SRBD1: variants seen among roughly 807,000 people sequenced by gnomAD.
SRBD1 encodes the protein S1 RNA-binding domain-containing protein 1.
Under a neutral mutation model 115.3 loss-of-function variants are expected in SRBD1, and 88 were observed. That is an observed-to-expected ratio of 0.76 (90% CI 0.64 to 0.91). The LOEUF is 0.91. Among genes scored for constraint, SRBD1 ranks in the 40% least tolerant of loss-of-function variants. SRBD1 has a pLI of 0.00. For synonymous variants in SRBD1, 509 were observed against 407.7 expected (o/e 1.25, Z -2.99); for missense variants, 1,385 against 1,177.4 (o/e 1.18, Z -2.58).
In SRBD1 at chr2:45,413,105, C is replaced by G. The variant is rs192945988; in HGVS notation, c.2513+9G>C. 1.0e-3 allele frequency: 1,652 copies of G among 1,609,916 alleles called. 3 individuals carry two copies. Among genetic ancestry groups the G allele is most frequent in the Non-Finnish European group, 1.2e-3 (1,471 of 1,178,198 alleles). ...ATATGGAGAATTCCCACATGGGCCT[C>G]AGACTTACCTCATTGCTATGTCATA... On this transcript the variant is annotated intron_variant, in intron 19 of 20. Transcript: ENST00000263736.
At chr2:45,591,173 C>T (rs774560692) in intron 4 of SRBD1, among the ~76,000 whole-genome samples, 3 of 152,130 alleles carry the variant, frequency 2.0e-5, no homozygotes, top group Non-Finnish European at 4.4e-5. Flanking sequence ...CATTGTAAAA[C>T]CTAAGATCAG....
intron 14 of SRBD1, among the ~76,000 whole-genome samples, chr2:45,544,451 T>C (rs1672045129): frequency 6.6e-6 from 1 of 152,274 alleles, no homozygotes; most frequent in African/African-American, 2.4e-5. Context: ...ATATGGCTAA[T>C]CAGAGGCAGT....
At chr2:45,440,066 T>A (rs984050438) in intron 16 of SRBD1, among the ~76,000 whole-genome samples, 1 of 152,164 alleles carries the variant, frequency 6.6e-6, no homozygotes, top group Non-Finnish European at 1.5e-5. Context: ...TCAGCATAGC[T>A]TCTGTAGACC....
intron 16 of SRBD1, among the ~76,000 whole-genome samples, chr2:45,435,231 A>G (rs1437543256): frequency 3.9e-5 from 6 of 152,130 alleles, no homozygotes; most frequent in African/African-American, 1.4e-4. Context: ...AATATATGGC[A>G]ACCAATTTTA....
rs1417116957 is a variant in SRBD1 at position 45,605,388 on chromosome 2, T to C, written c.54A>G (p.Lys18=). Residue 18 remains lysine (K), a synonymous_variant, in exon 2 of 21, where the codon AAA becomes AAG. Transcript: ENST00000263736. ...AKVQVQDVVL[K]DEFSSFSELS... ...ACTCAGAGAATGAAGAAAATTCATC[T>C]TTCAGTACCACATCCTGGACCTGTA... The C allele has an allele frequency of 1.2e-6, 2 of 1,613,678 alleles. No homozygotes were observed. The highest frequency in any genetic ancestry group is 1.1e-5 in the South Asian group (1 of 91,076).
At chr2:45,529,850 T>C (rs1363906293) in intron 14 of SRBD1, among the ~76,000 whole-genome samples, 3 of 152,048 alleles carry the variant, frequency 2.0e-5, no homozygotes, top group Admixed American at 1.3e-4. Flanking sequence ...CCTCAAAGCA[T>C]TTCTCCTTAT....
intron 19 of SRBD1, among the ~76,000 whole-genome samples, chr2:45,405,907 GA>G (rs1667423395): frequency 6.6e-6 from 1 of 152,110 alleles, no homozygotes. Context: ...TGATGGGTTA[GA>G]AGGTCTAAGG....
chr2:45,553,720 G>T lies in SRBD1; in HGVS notation c.1420C>A (p.Arg474Ser), dbSNP rs1424536389. The T allele has an allele frequency of 1.9e-6, 3 of 1,588,654 alleles. No individual in the cohort carries two copies. The African/African-American group carries it at 4.1e-5, about 22-fold the overall frequency. ...RWCIQNRWRPRSFARPELMKI... is the reference protein window; with the variant it reads ...RWCIQNRWRPSSFARPELMKI... ...ATTAACTCTGGCCTTGCAAAGCTAC[G>T]TGGTCTCCACCTGCAAAACAGAAAA... The change falls in exon 11 of 21, where the codon CGT becomes AGT. Residue 474 changes from arginine (R) to serine (S), a missense_variant. Coordinates refer to ENST00000263736, the MANE Select transcript of SRBD1 (RefSeq NM_018079.5).
chr2:45,453,617 C>T (rs978541190), intron 16 of SRBD1, among the ~76,000 whole-genome samples: 3 of 148,728 alleles, frequency 2.0e-5, no homozygotes, highest in Non-Finnish European at 4.5e-5. Context: ...TATTAAAACT[C>T]AAAAAAAAAT....
intron 14 of SRBD1, among the ~76,000 whole-genome samples, chr2:45,521,507 T>C (rs1399456335): frequency 6.6e-6 from 1 of 151,850 alleles, no homozygotes; most frequent in Non-Finnish European, 1.5e-5. Flanking sequence ...AAATAATAAG[T>C]GCTGACAAAG....
At chr2:45,448,314 G>A (rs991728582) in intron 16 of SRBD1, among the ~76,000 whole-genome samples, 24 of 151,950 alleles carry the variant, frequency 1.6e-4, no homozygotes, top group African/African-American at 5.8e-4. Flanking sequence ...GAACTAGATA[G>A]AATAATATAT....
At chr2:45,560,259 A>G (rs866624785) in intron 10 of SRBD1, among the ~76,000 whole-genome samples, 2 of 152,324 alleles carry the variant, frequency 1.3e-5, no homozygotes, top group Middle Eastern at 3.4e-3. Context: ...CACTGTAAAA[A>G]AATTCCTTGA....
Position 45,579,868 on chromosome 2 carries a change from C to T in SRBD1, c.1072+7G>A. 1 of 1,552,510 alleles carries T rather than the reference C, an allele frequency of 6.4e-7. No homozygotes were observed. The highest frequency in any genetic ancestry group is 1.4e-5 in the African/African-American group (1 of 71,588). ...ACAAAGTTGATCTCTGTAAATAAAGCCAGTACCTTTAACGTCAGGCCTAAT... is the reference window on the plus strand; with the variant it reads ...ACAAAGTTGATCTCTGTAAATAAAGTCAGTACCTTTAACGTCAGGCCTAAT... On this transcript the variant is annotated splice_region_variant and intron_variant, in intron 7 of 20. Transcript: ENST00000263736.
chr2:45,487,029 A>G (rs1670142439), intron 15 of SRBD1, among the ~76,000 whole-genome samples: 1 of 152,174 alleles, frequency 6.6e-6, no homozygotes, highest in African/African-American at 2.4e-5. Context: ...AGGAGAAGCA[A>G]GATTTTTAGC....
chr2:45,610,684 G>A (rs1291434166), intron 1 of SRBD1, among the ~76,000 whole-genome samples: 4 of 152,170 alleles, frequency 2.6e-5, no homozygotes, highest in African/African-American at 4.8e-5. Flanking sequence ...CACTACAGAA[G>A]GTGCAGTTGA....
intron 16 of SRBD1, among the ~76,000 whole-genome samples, chr2:45,450,376 T>C (rs985099235): frequency 6.6e-6 from 1 of 152,094 alleles, no homozygotes; most frequent in Non-Finnish European, 1.5e-5. Flanking sequence ...GAATGAAAAA[T>C]GTTAATAAAC....
chr2:45,493,959 TACATTCTCTCTGA>T (rs1476012364), intron 14 of SRBD1, among the ~76,000 whole-genome samples: 3 of 152,164 alleles, frequency 2.0e-5, no homozygotes, highest in Admixed American at 2.0e-4. Flanking sequence ...CACAAAAATG[TACATTCTCTCTGA>T]ACTAGCTATT....
chr2:45,559,971 C>T (rs927352018), intron 10 of SRBD1, among the ~76,000 whole-genome samples: 2 of 152,062 alleles, frequency 1.3e-5, no homozygotes, highest in African/African-American at 4.8e-5. Flanking sequence ...GTCCCAGCTA[C>T]TCAGGAGGCT....
intron 16 of SRBD1, among the ~76,000 whole-genome samples, chr2:45,428,617 T>A (rs1303632523): frequency 6.6e-6 from 1 of 151,862 alleles, no homozygotes; most frequent in Non-Finnish European, 1.5e-5. Flanking sequence ...TTGAAACCAA[T>A]AAGAACAAAG....
Sources: gnomAD v4.1 joint callset for allele counts (sites outside exome capture counted in the v4.1 genomes callset) on GRCh38, gnomAD v4.1.1 for gene constraint, MANE v1.5 for transcripts, NCBI Gene and HGNC (gene_info 2026-07-23, HGNC 2026-07-21) for gene names.